The following FHOD3 variants were observed in gnomAD, a reference collection of about 807,000 sequenced individuals.
The protein encoded by FHOD3 is FH1/FH2 domain-containing protein 3.
A neutral mutation model predicts 173.0 loss-of-function variants in FHOD3; 90 were observed. The ratio of observed to expected loss-of-function variants is 0.52; its 90% confidence interval spans 0.44 to 0.62. The LOEUF is 0.62. Among genes scored for constraint, FHOD3 ranks in the 20% least tolerant of loss-of-function variants. The pLI, the probability that FHOD3 is intolerant of heterozygous loss-of-function variation, is 0.00. For missense variants in FHOD3, 1,945 were observed against 2,034.7 expected (o/e 0.96, Z 0.85); for synonymous variants, 828 against 823.0 (o/e 1.01, Z -0.10).
At chr18:36,573,620 G>C (rs1257072630) in intron 5 of FHOD3, among the ~76,000 whole-genome samples, 1 of 152,006 alleles carries the variant, frequency 6.6e-6, no homozygotes, top group African/African-American at 2.4e-5. Context: ...AAGAAGATTT[G>C]AGTGTTTAAT....
At chr18:36,520,787 G>A (rs2146562792) in intron 5 of FHOD3, among the ~76,000 whole-genome samples, 1 of 152,256 alleles carries the variant, frequency 6.6e-6, no homozygotes, top group South Asian at 2.1e-4. Flanking sequence ...AAAGTTATTT[G>A]GCCATTCCTA....
intron 1 of FHOD3, among the ~76,000 whole-genome samples, chr18:36,352,941 T>C (rs1265403482): frequency 2.6e-5 from 4 of 152,184 alleles, no homozygotes; most frequent in South Asian, 2.1e-4. Context: ...CCAATTTCCA[T>C]TGGAATTTTC....
At chr18:36,442,207 G>A (rs946021541) in intron 3 of FHOD3, among the ~76,000 whole-genome samples, 1 of 152,172 alleles carries the variant, frequency 6.6e-6, no homozygotes, top group Non-Finnish European at 1.5e-5. Context: ...GTGTTTGCAA[G>A]GTTGTGGCTC....
At position 36,611,970 on chromosome 18, in the gene FHOD3, G is replaced by C. The variant is rs1311630611; in HGVS notation, c.832G>C (p.Asp278His). 5.6e-6 allele frequency: 9 copies of C among 1,614,048 alleles called. No homozygotes were observed. The highest frequency in any genetic ancestry group is 7.6e-6 in the Non-Finnish European group (9 of 1,179,984). ...CTTCCAGACGTTATCAGGACTACCAGACCAAGACACCTTCTACGACGTCGT... is the reference window on the plus strand; with the variant it reads ...CTTCCAGACGTTATCAGGACTACCACACCAAGACACCTTCTACGACGTCGT... Reference protein sequence around the residue: ...LVNKTLSGLPDQDTFYDVVDC... With the variant: ...LVNKTLSGLPHQDTFYDVVDC... The change falls in exon 9 of 29, where the codon GAC becomes CAC. Residue 278 changes from aspartate (D) to histidine (H), a missense_variant. Around this residue, in one of 5 missense-constraint regions of FHOD3, gnomAD observed 1,099 missense variants for 1,051.2 expected, o/e 1.05. Coordinates refer to ENST00000590592, the MANE Select transcript of FHOD3 (RefSeq NM_001281740.3).
In FHOD3 at chr18:36,433,104, G is replaced by A. The variant is rs114675218; in HGVS notation, c.337+60360G>A. On this transcript the variant is annotated intron_variant, in intron 3 of 28. Coordinates refer to ENST00000590592, the MANE Select transcript of FHOD3 (RefSeq NM_001281740.3). ...GGTCAGGCTCACCTAGGATAATCTC[G>A]CCTTTGATTAATTCAGAGTAAACTG... is the stretch of plus-strand genomic sequence containing the variant. Among the ~76,000 whole-genome samples, 41 of 152,262 alleles carry A rather than the reference G, an allele frequency of 2.7e-4. No homozygotes were observed. In the East Asian group the frequency reaches 3.3e-3, roughly 12 times the overall value.
chr18:36,662,935 A>C (rs1423248312), intron 14 of FHOD3, among the ~76,000 whole-genome samples: 2 of 152,180 alleles, frequency 1.3e-5, no homozygotes, highest in Non-Finnish European at 2.9e-5. Flanking sequence ...GATGCCTCAT[A>C]TGAGGGTCAT....
intron 18 of FHOD3, among the ~76,000 whole-genome samples, chr18:36,715,529 C>T (rs1163373470): frequency 2.0e-5 from 3 of 152,200 alleles, no homozygotes; most frequent in Non-Finnish European, 4.4e-5. Flanking sequence ...AGAGGAGTAA[C>T]ATTCCTGATC....
intron 9 of FHOD3, among the ~76,000 whole-genome samples, chr18:36,617,610 T>TGTGTGCGTGTGC (rs1555783664): frequency 1.4e-5 from 2 of 146,006 alleles, no homozygotes. Flanking sequence ...TGTGTGTGTG[T>TGTGTGCGTGTGC]GTGTGTGTGC....
chr18:36,647,601 G>C (rs1410427725), intron 10 of FHOD3, among the ~76,000 whole-genome samples: 1 of 152,102 alleles, frequency 6.6e-6, no homozygotes, highest in African/African-American at 2.4e-5. Context: ...CCAAGATATA[G>C]TACACAGTAA....
intron 15 of FHOD3, among the ~76,000 whole-genome samples, chr18:36,683,450 G>A (rs1449854553): frequency 3.3e-5 from 5 of 152,206 alleles, no homozygotes; most frequent in African/African-American, 4.8e-5. Context: ...TGGAGAGAAT[G>A]TGTGAAACTC....
intron 5 of FHOD3, among the ~76,000 whole-genome samples, chr18:36,563,943 T>C (rs1473429307): frequency 4.6e-5 from 7 of 152,268 alleles, no homozygotes; most frequent in African/African-American, 1.2e-4. Flanking sequence ...CACCTTGTGT[T>C]CATTGTCTCT....
At chr18:36,647,660 C>T (rs887475419) in intron 10 of FHOD3, among the ~76,000 whole-genome samples, 1 of 152,168 alleles carries the variant, frequency 6.6e-6, no homozygotes, top group African/African-American at 2.4e-5. Flanking sequence ...TTTATGACAG[C>T]ACTATTCAAA....
intron 24 of FHOD3, among the ~76,000 whole-genome samples, chr18:36,754,599 A>C (rs1444653348): frequency 6.6e-6 from 1 of 152,128 alleles, no homozygotes; most frequent in Non-Finnish European, 1.5e-5. Context: ...TCTACTTAGA[A>C]GCTATGAATT....
At chr18:36,332,479 G>A (rs1173938725) in intron 1 of FHOD3, among the ~76,000 whole-genome samples, 1 of 152,242 alleles carries the variant, frequency 6.6e-6, no homozygotes, top group Non-Finnish European at 1.5e-5. Flanking sequence ...GCTCCTGCTA[G>A]AGATGTATGT....
intron 6 of FHOD3, among the ~76,000 whole-genome samples, chr18:36,581,619 C>T (rs975800346): frequency 1.3e-5 from 2 of 152,182 alleles, no homozygotes; most frequent in Non-Finnish European, 2.9e-5. Context: ...GCAGGCCTCC[C>T]TACTCCTATG....
chr18:36,704,143 T>A (rs1173896170), intron 17 of FHOD3, among the ~76,000 whole-genome samples: 1 of 152,192 alleles, frequency 6.6e-6, no homozygotes, highest in Non-Finnish European at 1.5e-5. Context: ...TGCAGTTTAG[T>A]GTTGATTTTC....
At chr18:36,582,501 T>C (rs2148120405) in intron 6 of FHOD3, among the ~76,000 whole-genome samples, 1 of 152,344 alleles carries the variant, frequency 6.6e-6, no homozygotes, top group Middle Eastern at 3.4e-3. Flanking sequence ...CTGGAATTGG[T>C]GGAAAGCCTT....
intron 3 of FHOD3, among the ~76,000 whole-genome samples, chr18:36,394,975 C>G (rs1190086029): frequency 6.6e-6 from 1 of 152,156 alleles, no homozygotes; most frequent in African/African-American, 2.4e-5. Context: ...TACATAGTCT[C>G]TTCTATATTA....
At chr18:36,443,750 A>T (rs561872709) in intron 3 of FHOD3, among the ~76,000 whole-genome samples, 1 of 152,186 alleles carries the variant, frequency 6.6e-6, no homozygotes, top group African/African-American at 2.4e-5. Flanking sequence ...AAATATATGC[A>T]TATTTACTTT....
Sources: allele counts gnomAD v4.1 joint callset (sites outside exome capture counted in the v4.1 genomes callset), GRCh38; gene constraint gnomAD v4.1.1; regional missense constraint gnomAD v4.1.1; transcripts MANE v1.5; gene names NCBI Gene and HGNC (gene_info 2026-07-23, HGNC 2026-07-21).